The following EPM2A variants were observed in gnomAD, a reference collection of about 807,000 sequenced individuals.
EPM2A encodes the protein laforin.
Under a neutral mutation model 26.5 loss-of-function variants are expected in EPM2A, and 21 were observed. That is an observed-to-expected ratio of 0.79 (90% confidence interval 0.56 to 1.14). The LOEUF (loss-of-function observed/expected upper bound fraction) is 1.14, where lower values mean the gene tolerates loss of function less well. Among genes scored for constraint, EPM2A ranks in the 50% most tolerant of loss-of-function variants. The pLI, the probability that EPM2A is intolerant of heterozygous loss-of-function variation, is 0.00. For synonymous variants in EPM2A, 217 were observed against 177.6 expected (o/e 1.22, Z -1.76); for missense variants, 458 against 440.8 (o/e 1.04, Z -0.35).
chr6:145,679,888 C>T (rs6918350), intron 2 of EPM2A, among the ~76,000 whole-genome samples: 10,175 of 151,854 alleles, frequency 0.067, 1,142 homozygotes, highest in African/African-American at 0.23. Context: ...CATAGGCATA[C>T]GAATATACAC....
At chr6:145,527,129 T>A (rs79002643) in intron 2 of EPM2A, among the ~76,000 whole-genome samples, 12,179 of 152,142 alleles carry the variant, frequency 0.08, 567 homozygotes, top group East Asian at 0.17. Context: ...TCTATTTTAT[T>A]CCACTGTGTT....
intron 2 of EPM2A, among the ~76,000 whole-genome samples, chr6:145,541,280 T>C (rs1446588877): frequency 6.7e-6 from 1 of 150,256 alleles, no homozygotes; most frequent in African/African-American, 2.4e-5. Flanking sequence ...TGTGTGTATA[T>C]ATATAAAAAA....
intron 3 of EPM2A, chr6:145,631,799 T>C (rs1405734860): frequency 6.6e-6 from 1 of 152,094 alleles, no homozygotes; most frequent in African/African-American, 2.4e-5. Flanking sequence ...GCCCTAAAGA[T>C]ATGCTTTATC....
intron 2 of EPM2A, among the ~76,000 whole-genome samples, chr6:145,537,708 GC>G (rs1372738334): frequency 6.6e-6 from 1 of 151,358 alleles, no homozygotes; most frequent in Non-Finnish European, 1.5e-5. Flanking sequence ...TAGGTTTTAA[GC>G]CCAGCATGCA....
intron 4 of EPM2A, among the ~76,000 whole-genome samples, chr6:145,434,712 T>C (rs1241583147): frequency 6.6e-6 from 1 of 152,188 alleles, no homozygotes; most frequent in Non-Finnish European, 1.5e-5. Context: ...ACCACCACTA[T>C]CTAATGCCAG....
chr6:145,592,497 A>C (rs1226780072), intron 2 of EPM2A, among the ~76,000 whole-genome samples: 1 of 152,202 alleles, frequency 6.6e-6, no homozygotes, highest in Non-Finnish European at 1.5e-5. Flanking sequence ...TTATAGCAGC[A>C]TGATTTATAA....
At chr6:145,623,985 G>A (rs187243885), downstream of EPM2A, among the ~76,000 whole-genome samples, 271 of 152,278 alleles carry the variant, frequency 1.8e-3, no homozygotes, top group Admixed American at 3.5e-3. Flanking sequence ...TCAGAGCAAC[G>A]ACTTAGAGAA....
chr6:145,686,082 T>C lies in EPM2A; in HGVS notation c.476+40A>G, dbSNP rs371724371. 20 of 1,557,672 alleles carry C rather than the reference T, an allele frequency of 1.3e-5. No individual in the cohort carries two copies. In the East Asian group the frequency reaches 4.3e-4, roughly 33 times the overall value. On this transcript the variant is annotated intron_variant, in intron 2 of 3. Transcript: ENST00000367519. Reference sequence around the variant, plus strand: ...TTTCCATTGTGCTAATGCTATCTCTTGTCCTACTTCTATGCCTATAAATAT... The same window carrying C: ...TTTCCATTGTGCTAATGCTATCTCTCGTCCTACTTCTATGCCTATAAATAT...
At chr6:145,501,587 G>C (rs528530896) in exon 4 of EPM2A, 1 of 313,014 alleles carries the variant, frequency 3.2e-6, no homozygotes, top group Non-Finnish European at 6.3e-6. Context: ...AGAAACTTTG[G>C]AGGAGTAATT....
chr6:145,459,800 A>G (rs1779305900), intron 4 of EPM2A, among the ~76,000 whole-genome samples: 1 of 152,164 alleles, frequency 6.6e-6, no homozygotes, highest in African/African-American at 2.4e-5. Flanking sequence ...TTATTAATTT[A>G]GAAAAATAAT....
rs376369711 is a variant in EPM2A at position 145,486,422 on chromosome 6, A to G, written c.555+16100T>C. Among the ~76,000 whole-genome samples the G allele has an allele frequency of 1.6e-4, 24 of 152,292 alleles. No homozygotes were observed. The East Asian group carries it at 4.0e-3, about 26-fold the overall frequency. ...ATCACATTAACATGTTCTTCTTTTCATATAGTTAGCTATTTTTCCTCTGCT... is the reference window on the plus strand; with the variant it reads ...ATCACATTAACATGTTCTTCTTTTCGTATAGTTAGCTATTTTTCCTCTGCT... On this transcript the variant is annotated intron_variant, in intron 4 of 4. Transcript: ENST00000638717.
intron 4 of EPM2A, among the ~76,000 whole-genome samples, chr6:145,443,756 G>T (rs2114702920): frequency 6.6e-6 from 1 of 152,252 alleles, no homozygotes; most frequent in East Asian, 1.9e-4. Flanking sequence ...GTTGTGGAAG[G>T]GACCTAGTGG....
intron 3 of EPM2A, among the ~76,000 whole-genome samples, chr6:145,633,567 A>T (rs1356567445): frequency 1.3e-5 from 2 of 152,168 alleles, no homozygotes; most frequent in Non-Finnish European, 2.9e-5. Flanking sequence ...TTCAGCTCAG[A>T]CACAGATCAA....
chr6:145,599,597 G>T (rs1781390171), intron 2 of EPM2A, among the ~76,000 whole-genome samples: 1 of 151,678 alleles, frequency 6.6e-6, no homozygotes, highest in Non-Finnish European at 1.5e-5. Context: ...AAAAATATTG[G>T]TTATAATTCT....
intron 1 of EPM2A, among the ~76,000 whole-genome samples, chr6:145,729,942 TC>T (rs1554268784): frequency 6.6e-6 from 1 of 152,126 alleles, no homozygotes; most frequent in Non-Finnish European, 1.5e-5. Flanking sequence ...GGGGTGGACT[TC>T]CCCCTTGCTA....
At position 145,477,779 on chromosome 6, in the gene EPM2A, C is replaced by A. The variant is rs542525497; in HGVS notation, c.555+24743G>T. On this transcript the variant is annotated intron_variant, in intron 4 of 4. Coordinates refer to the EPM2A transcript ENST00000638717. The stretch of plus-strand genomic sequence containing the variant: ...CAAACTGGGTATAGAAGGAACATAC[C>A]TCAATATAATAAAATTCATATATGA... Among the ~76,000 whole-genome samples, 9 of 151,688 alleles carry A rather than the reference C, an allele frequency of 5.9e-5. No individual in the cohort carries two copies. The South Asian group carries it at 8.3e-4, about 14-fold the overall frequency.
chr6:145,667,835 T>TA (rs1779330931), intron 2 of EPM2A, among the ~76,000 whole-genome samples: 1 of 147,776 alleles, frequency 6.8e-6, no homozygotes, highest in Non-Finnish European at 1.5e-5. Context: ...TATGCAGCCA[T>TA]AAAAAATGAT....
intron 2 of EPM2A, among the ~76,000 whole-genome samples, chr6:145,616,786 T>G (rs1941209566): frequency 1.3e-5 from 2 of 152,250 alleles, no homozygotes; most frequent in African/African-American, 4.8e-5. Context: ...GGTATCGAAC[T>G]TGCATGGGGC....
intron 4 of EPM2A, among the ~76,000 whole-genome samples, chr6:145,427,955 A>C (rs1490454972): frequency 6.6e-6 from 1 of 152,112 alleles, no homozygotes; most frequent in Non-Finnish European, 1.5e-5. Context: ...AGTGTCTTCA[A>C]ACAGGAAAAT....
Sources: gnomAD v4.1 joint callset for allele counts (sites outside exome capture counted in the v4.1 genomes callset) on GRCh38, gnomAD v4.1.1 for gene constraint, MANE v1.5 for transcripts, NCBI Gene and HGNC (gene_info 2026-07-23, HGNC 2026-07-21) for gene names.